The following DIAPH2 variants were observed in gnomAD, a reference collection of about 807,000 sequenced individuals.
DIAPH2 encodes protein diaphanous homolog 2.
Under a neutral mutation model 92.7 loss-of-function variants are expected in DIAPH2, and 35 were observed. The observed-to-expected ratio is 0.38, with a 90% CI of 0.29 to 0.50. The LOEUF is 0.50. Ranked by LOEUF, DIAPH2 falls within the 20% of genes least tolerant of loss-of-function variation. The pLI, the probability that DIAPH2 is intolerant of heterozygous loss-of-function variation, is 0.94. For synonymous variants in DIAPH2, 301 were observed against 280.4 expected, an observed-to-expected ratio of 1.07 and a Z score of -0.73; for missense variants, 701 against 819.5, an observed-to-expected ratio of 0.86 and a Z score of 1.77.
At chrX:97,137,323 G>A (rs1208963221) in intron 21 of DIAPH2, among the ~76,000 whole-genome samples, 4 of 89,620 alleles carry the variant, frequency 4.5e-5, no homozygotes, top group African/African-American at 9.1e-5. Context: ...AAATTTAGGA[G>A]TATTGCTCTA....
At chrX:96,879,556 C>A (rs1196541438) in intron 4 of DIAPH2, among the ~76,000 whole-genome samples, 1 of 110,445 alleles carries the variant, frequency 9.1e-6, no homozygotes, top group Non-Finnish European at 1.9e-5. Context: ...GTGAGTTGGC[C>A]GAGCAAAAAT....
intron 23 of DIAPH2, among the ~76,000 whole-genome samples, chrX:97,273,543 G>A (rs189583897): frequency 4.5e-5 from 5 of 111,971 alleles, no homozygotes; most frequent in South Asian, 3.7e-4. Context: ...TTTTAACCCC[G>A]ATCTTTCTAT....
At chrX:97,210,066 A>G (rs911460081) in intron 22 of DIAPH2, among the ~76,000 whole-genome samples, 2 of 111,424 alleles carry the variant, frequency 1.8e-5, no homozygotes, top group Non-Finnish European at 3.8e-5. Context: ...TTGACTTTTC[A>G]CTCTTCTTTG....
chrX:96,931,556 C>T (rs1196426952), intron 10 of DIAPH2, among the ~76,000 whole-genome samples: 1 of 109,344 alleles, frequency 9.1e-6, no homozygotes, highest in Non-Finnish European at 1.9e-5. Flanking sequence ...TCAGAATATA[C>T]CTGAGAGACA....
At chrX:96,718,448 C>T (rs755608162) in intron 1 of DIAPH2, among the ~76,000 whole-genome samples, 9 of 96,392 alleles carry the variant, frequency 9.3e-5, no homozygotes, top group African/African-American at 2.3e-4. Flanking sequence ...CTGCCTCCCA[C>T]GTTCAAGCGA....
chrX:97,472,707 T>C (rs2070572959), intron 26 of DIAPH2, among the ~76,000 whole-genome samples: 1 of 112,327 alleles, frequency 8.9e-6, no homozygotes, highest in African/African-American at 3.2e-5. Context: ...GTATTATAAT[T>C]GCTTGCTTGT....
chrX:97,316,707 G>C (rs1461927943), intron 23 of DIAPH2, among the ~76,000 whole-genome samples: 1 of 111,630 alleles, frequency 9.0e-6, no homozygotes, highest in African/African-American at 3.3e-5. Context: ...GCAATTTGAT[G>C]ATGGGAGACA....
chrX:97,395,252 G>A (rs755497538), intron 25 of DIAPH2, among the ~76,000 whole-genome samples: 1 of 111,505 alleles, frequency 9.0e-6, no homozygotes, highest in Admixed American at 9.6e-5. Flanking sequence ...ATAGAAAGCT[G>A]TTTATGCATC....
intron 25 of DIAPH2, among the ~76,000 whole-genome samples, chrX:97,421,770 T>C (rs189678736): frequency 1.8e-5 from 2 of 111,583 alleles, no homozygotes; most frequent in East Asian, 5.6e-4. Flanking sequence ...CACTGTCCTG[T>C]TGAAGATCAA....
intron 26 of DIAPH2, among the ~76,000 whole-genome samples, chrX:97,450,588 G>A (rs2070350617): frequency 9.0e-6 from 1 of 111,350 alleles, no homozygotes; most frequent in Non-Finnish European, 1.9e-5. Context: ...TTTTCGGTCT[G>A]AGACTTTCTC....
intron 23 of DIAPH2, among the ~76,000 whole-genome samples, chrX:97,258,568 G>A (rs1236292034): frequency 2.1e-4 from 22 of 102,756 alleles, no homozygotes; most frequent in Non-Finnish European, 2.0e-4. Context: ...GCGAGACTCC[G>A]CCTCAAAAAA....
chrX:97,279,310 C>CT (rs1256593896), intron 23 of DIAPH2, among the ~76,000 whole-genome samples: 2,122 of 94,232 alleles, frequency 0.023, 54 homozygotes, highest in African/African-American at 0.067. Flanking sequence ...TTTTTTGAGA[C>CT]TTTTTTTTTT....
chrX:97,409,512 G>C (rs1302369857), intron 25 of DIAPH2, among the ~76,000 whole-genome samples: 2 of 111,161 alleles, frequency 1.8e-5, no homozygotes, highest in Non-Finnish European at 3.8e-5. Flanking sequence ...CATCTCACTG[G>C]GACTGGTTAG....
intron 5 of DIAPH2, among the ~76,000 whole-genome samples, chrX:96,897,701 AT>A (rs1334802497): frequency 3.6e-5 from 4 of 109,769 alleles, no homozygotes; most frequent in Non-Finnish European, 5.7e-5. Flanking sequence ...ATTAAAAAAA[AT>A]TTTTTTTCAA....
intron 4 of DIAPH2, among the ~76,000 whole-genome samples, chrX:96,854,562 G>GTA (rs2065024837): frequency 1.3e-5 from 1 of 78,495 alleles, no homozygotes; most frequent in Non-Finnish European, 2.5e-5. Flanking sequence ...TCTCTGTAGT[G>GTA]TATATATATA....
At position 96,972,077 on chromosome X, in the gene DIAPH2, TC is replaced by T. The variant is rs758685116; in HGVS notation, c.2050+6875del. Among the ~76,000 whole-genome samples the T allele has an allele frequency of 4.5e-3, 503 of 111,607 alleles. 3 individuals are homozygous for T. Among genetic ancestry groups the T allele is most frequent in the African/African-American group, 0.016 (477 of 30,718 alleles). The stretch of plus-strand genomic sequence containing the variant: ...TTTTCTTTTCTCTAGGGCACCTTTT[TC>T]CCCCGGTTTGCTGTTCGTTGCAGCT... On this transcript the variant is annotated intron_variant, in intron 17 of 26. Coordinates refer to ENST00000324765, the MANE Select transcript of DIAPH2 (RefSeq NM_006729.5).
chrX:96,870,802 A>T (rs1569416668), intron 4 of DIAPH2, among the ~76,000 whole-genome samples: 1 of 111,466 alleles, frequency 9.0e-6, no homozygotes, highest in East Asian at 2.8e-4. Flanking sequence ...TGGAAGGAAT[A>T]TTTCTTTATT....
At position 97,099,226 on chromosome X, in the gene DIAPH2, C is replaced by T. The variant is rs370186222; in HGVS notation, c.2248-468C>T. Among the ~76,000 whole-genome samples, 85 of 110,570 alleles carry T rather than the reference C, an allele frequency of 7.7e-4. No individual in the cohort carries two copies. In the East Asian group the frequency reaches 0.022, roughly 29 times the overall value. Reference sequence around the variant, plus strand: ...CTAAAAATACAAAAAATTAGCCCGGCATGGTGGCGGGCGCCTGTTATCCCA... The same window carrying T: ...CTAAAAATACAAAAAATTAGCCCGGTATGGTGGCGGGCGCCTGTTATCCCA... On this transcript the variant is annotated intron_variant, in intron 19 of 26. Transcript: ENST00000324765.
At position 97,058,749 on chromosome X, in the gene DIAPH2, T is replaced by C. The variant is rs112246671; in HGVS notation, c.2051-14192T>C. Among the ~76,000 whole-genome samples, 830 of 111,145 alleles carry C rather than the reference T, an allele frequency of 7.5e-3. 11 individuals are homozygous for C. Among genetic ancestry groups the C allele is most frequent in the African/African-American group, 0.026 (794 of 30,584 alleles). On this transcript the variant is annotated intron_variant, in intron 17 of 26. Coordinates refer to ENST00000324765, the MANE Select transcript of DIAPH2 (RefSeq NM_006729.5). ...TTCCTGTACCCTCATTTTTCCACTC[T>C]AAAATTTCACATATTTTATTCTCAT...
Sources: gnomAD v4.1 joint callset for allele counts (sites outside exome capture counted in the v4.1 genomes callset) on GRCh38, gnomAD v4.1.1 for gene constraint, MANE v1.5 for transcripts, NCBI Gene and HGNC (gene_info 2026-07-23, HGNC 2026-07-21) for gene names.